The following HACE1 variants were observed in gnomAD, a reference collection of about 807,000 sequenced individuals.
HACE1 encodes E3 ubiquitin-protein ligase HACE1.
A neutral mutation model predicts 118.4 loss-of-function variants in HACE1; 73 were observed. The ratio of observed to expected loss-of-function variants is 0.62; its 90% CI spans 0.51 to 0.75. HACE1 has a LOEUF of 0.75. Among genes scored for constraint, HACE1 ranks in the 30% least tolerant of loss-of-function variants. HACE1 has a pLI of 0.00. For missense variants in HACE1, 749 were observed against 1,102.2 expected (o/e 0.68, Z 4.54); for synonymous variants, 368 against 374.8 (o/e 0.98, Z 0.21).
intron 7 of HACE1, among the ~76,000 whole-genome samples, chr6:104,808,332 C>T (rs1771245151): frequency 2.0e-5 from 3 of 149,614 alleles, no homozygotes; most frequent in South Asian, 4.2e-4. Context: ...CACCTATCAA[C>T]TACTAAGTGT....
chr6:104,799,210 C>T (rs1416182031), intron 7 of HACE1, among the ~76,000 whole-genome samples: 7 of 152,188 alleles, frequency 4.6e-5, no homozygotes. Flanking sequence ...AAACAGGAGG[C>T]CATTAGCCTG....
chr6:104,804,540 C>T (rs1040864917), intron 7 of HACE1, among the ~76,000 whole-genome samples: 1 of 152,040 alleles, frequency 6.6e-6, no homozygotes, highest in South Asian at 2.1e-4. Flanking sequence ...AGAATAGAGC[C>T]CTCAGAAGTA....
At chr6:104,836,828 T>A (rs943984022) in intron 5 of HACE1, among the ~76,000 whole-genome samples, 1 of 152,084 alleles carries the variant, frequency 6.6e-6, no homozygotes, top group Non-Finnish European at 1.5e-5. Context: ...TTCAGCAAGA[T>A]TGCAAAACCA....
At chr6:104,772,110 A>C (rs191528878) in intron 17 of HACE1, 36 bp from the exon 18 acceptor site, 1 of 1,164,792 alleles carries the variant, frequency 8.6e-7, no homozygotes, top group African/African-American at 1.5e-5. Flanking sequence ...TATTATTAAG[A>C]ATCTATATGC....
intron 6 of HACE1, among the ~76,000 whole-genome samples, chr6:104,828,579 C>A (rs907788699): frequency 5.3e-5 from 8 of 151,902 alleles, no homozygotes; most frequent in Admixed American, 3.3e-4. Flanking sequence ...TGATTCCTTT[C>A]ATCTGATCAT....
Position 104,796,751 on chromosome 6 carries a change from T to G in HACE1, c.720A>C (p.Gly240=). ...TTAATACTTCACAAGTCTCTCCATA[T>G]CCACCCTAAAAACAAGATCTAAAAT... is the stretch of plus-strand genomic sequence containing the variant. The part of the protein sequence containing the change: ...VTPLDLCVQG[G]YGETCEVLIQ... The change falls in exon 9 of 24, where the codon GGA becomes GGC. Residue 240 remains glycine, a synonymous_variant. Transcript: ENST00000262903. 6.5e-7 allele frequency: 1 copy of G among 1,549,688 alleles called. No homozygotes were observed. The highest frequency in any genetic ancestry group is 8.9e-7 in the Non-Finnish European group (1 of 1,122,248).
At chr6:104,752,040 C>T (rs1582661963) in intron 19 of HACE1, among the ~76,000 whole-genome samples, 2 of 151,790 alleles carry the variant, frequency 1.3e-5, no homozygotes, top group African/African-American at 2.4e-5. Flanking sequence ...GAATTCTTCA[C>T]AGCTCTCAGA....
intron 11 of HACE1, among the ~76,000 whole-genome samples, chr6:104,789,359 G>A (rs1331792281): frequency 1.3e-5 from 2 of 152,068 alleles, no homozygotes; most frequent in African/African-American, 4.8e-5. Flanking sequence ...AATAAGTGAT[G>A]AGAAGAAATA....
chr6:104,750,682 A>AT (rs943613114), intron 19 of HACE1, among the ~76,000 whole-genome samples: 4 of 152,058 alleles, frequency 2.6e-5, no homozygotes, highest in African/African-American at 9.7e-5. Context: ...CTCACACCCT[A>AT]TTTCAGCTGA....
rs774810108 is a variant in HACE1 at position 104,784,167 on chromosome 6, G to T, written c.1485C>A (p.Pro495=). 5 of 1,575,860 alleles carry T rather than the reference G, an allele frequency of 3.2e-6. No homozygotes were observed. The highest frequency in any genetic ancestry group is 3.5e-6 in the Non-Finnish European group (4 of 1,145,362). ...AGTGAAAGTGGTCAAATATAATTTTGGGATTTCTAAAAGAAAAATATTTTG... is the reference window on the plus strand; with the variant it reads ...AGTGAAAGTGGTCAAATATAATTTTTGGATTTCTAAAAGAAAAATATTTTG... ...EVLKCFVNRN[P]KIIFDHFHFL... is the part of the protein sequence containing the mutation. Residue 495 remains proline, a synonymous_variant, in exon 14 of 24, where the codon CCC becomes CCA. Coordinates refer to ENST00000262903, the MANE Select transcript of HACE1 (RefSeq NM_020771.4).
At chr6:104,791,765 C>G in intron 10 of HACE1, 111 bp from the exon 11 acceptor site, 1 of 705,684 alleles carries the variant, frequency 1.4e-6, no homozygotes, top group Non-Finnish European at 2.4e-6. Flanking sequence ...TATAATGTAA[C>G]TGGAGTACAA....
At chr6:104,806,826 A>T (rs972094348) in intron 7 of HACE1, among the ~76,000 whole-genome samples, 3 of 152,120 alleles carry the variant, frequency 2.0e-5, no homozygotes, top group African/African-American at 7.2e-5. Context: ...CTTCTAAAGC[A>T]CTTAGACCTG....
At chr6:104,771,454 A>G in intron 18 of HACE1, 65 bp from the exon 19 acceptor site, 2 of 950,860 alleles carry the variant, frequency 2.1e-6, no homozygotes, top group Non-Finnish European at 3.4e-6. Context: ...TTTAATGGTA[A>G]AATACTGCCC....
intron 4 of HACE1, among the ~76,000 whole-genome samples, chr6:104,843,933 T>C (rs1775359588): frequency 6.6e-6 from 1 of 151,908 alleles, no homozygotes. Context: ...CTTGGTTCAC[T>C]ACAACATCTG....
rs188378499 is a variant in HACE1 at position 104,817,820 on chromosome 6, T to C, written c.535-6427A>G. Among the ~76,000 whole-genome samples, 55 of 152,306 alleles carry C rather than the reference T, an allele frequency of 3.6e-4. 1 individual carries two copies. The highest frequency in any genetic ancestry group is 3.2e-3 in the Admixed American group (49 of 15,298). On this transcript the variant is annotated intron_variant, in intron 6 of 23. Transcript: ENST00000262903. Reference sequence around the variant, plus strand: ...GCAGTAAACAATACCTTCTTAACTATATATAACCAATACTGTCTAATCAAA... The same window carrying C: ...GCAGTAAACAATACCTTCTTAACTACATATAACCAATACTGTCTAATCAAA...
chr6:104,767,021 G>T (rs1398326827), intron 19 of HACE1: 1 of 152,170 alleles, frequency 6.6e-6, no homozygotes, highest in Non-Finnish European at 1.5e-5. Context: ...ACATCAAACA[G>T]TGCCTAGCAC....
chr6:104,738,735 A>T (rs1166716151), intron 22 of HACE1, among the ~76,000 whole-genome samples: 8 of 146,486 alleles, frequency 5.5e-5, no homozygotes, highest in East Asian at 2.0e-4. Flanking sequence ...CCAAGTTGGA[A>T]AACACTCTGC....
chr6:104,836,682 T>C (rs1473166003), intron 5 of HACE1, among the ~76,000 whole-genome samples: 1 of 152,084 alleles, frequency 6.6e-6, no homozygotes, highest in Admixed American at 6.5e-5. Context: ...CACTGCACTG[T>C]AGCCTGGGTG....
At chr6:104,752,416 C>T (rs1778158584) in intron 19 of HACE1, among the ~76,000 whole-genome samples, 1 of 152,090 alleles carries the variant, frequency 6.6e-6, no homozygotes, top group Non-Finnish European at 1.5e-5. Flanking sequence ...TCTACTCTCA[C>T]TAAAATTGTT....
Sources: gnomAD v4.1 joint callset for allele counts (sites outside exome capture counted in the v4.1 genomes callset) on GRCh38, gnomAD v4.1.1 for gene constraint, MANE v1.5 for transcripts, NCBI Gene and HGNC (gene_info 2026-07-23, HGNC 2026-07-21) for gene names.